Variants in RASSF3 observed in about 807,000 individuals in gnomAD.
RASSF3 encodes ras association domain-containing protein 3.
A neutral mutation model predicts 19.9 loss-of-function variants in RASSF3; 19 were observed. The ratio of observed to expected loss-of-function variants is 0.96; its 90% CI spans 0.67 to 1.40. The LOEUF (loss-of-function observed/expected upper bound fraction) is 1.40, where lower values mean the gene tolerates loss of function less well. Among genes scored for constraint, RASSF3 ranks in the 40% most tolerant of loss-of-function variants. The pLI, the probability that RASSF3 is intolerant of heterozygous loss-of-function variation, is 0.00. For missense variants in RASSF3, 306 were observed against 289.8 expected, an observed-to-expected ratio of 1.06 and a Z score of -0.41; for synonymous variants, 110 against 104.2, an observed-to-expected ratio of 1.06 and a Z score of -0.34.
intron 1 of RASSF3, among the ~76,000 whole-genome samples, chr12:64,618,160 A>G (rs949404814): frequency 3.9e-5 from 6 of 152,140 alleles, no homozygotes; most frequent in South Asian, 4.1e-4. Context: ...CTAAAATGCA[A>G]TTGTTATTCA....
chr12:64,522,780 G>A (rs1868505876), intron 1 of RASSF3, among the ~76,000 whole-genome samples: 1 of 152,166 alleles, frequency 6.6e-6, no homozygotes, highest in Admixed American at 6.5e-5. Context: ...TAAAGAGGCT[G>A]GGAGGACAGA....
At chr12:64,581,507 G>T (rs1484363136) in intron 2 of RASSF3, among the ~76,000 whole-genome samples, 3 of 152,118 alleles carry the variant, frequency 2.0e-5, no homozygotes, top group African/African-American at 7.2e-5. Flanking sequence ...CCAGGAGTTT[G>T]AGACCAGATT....
intron 1 of RASSF3, among the ~76,000 whole-genome samples, chr12:64,537,796 A>G (rs1565835084): frequency 6.6e-6 from 1 of 152,100 alleles, no homozygotes; most frequent in East Asian, 1.9e-4. Flanking sequence ...ACAAAATACC[A>G]CAGACTGAGT....
chr12:64,538,901 C>A (rs937993461), intron 1 of RASSF3, among the ~76,000 whole-genome samples: 4 of 151,882 alleles, frequency 2.6e-5, no homozygotes, highest in Non-Finnish European at 5.9e-5. Flanking sequence ...AAAAAATTAG[C>A]CAGGCCTGGT....
intron 2 of RASSF3, among the ~76,000 whole-genome samples, chr12:64,557,409 T>G (rs561452452): frequency 6.6e-6 from 1 of 152,230 alleles, no homozygotes; most frequent in South Asian, 2.1e-4. Flanking sequence ...TGCTGGTAAT[T>G]GACTAGAGTC....
At chr12:64,692,109 T>A (rs936445986) in intron 4 of RASSF3, among the ~76,000 whole-genome samples, 1 of 152,176 alleles carries the variant, frequency 6.6e-6, no homozygotes, top group Non-Finnish European at 1.5e-5. Context: ...TCATTTGCCA[T>A]GTTGTCTCCA....
At chr12:64,678,798 G>T (rs1299702321) in intron 1 of RASSF3, among the ~76,000 whole-genome samples, 1 of 152,066 alleles carries the variant, frequency 6.6e-6, no homozygotes, top group African/African-American at 2.4e-5. Context: ...GCACCAATAG[G>T]CACTCAATAA....
chr12:64,608,512 C>T (rs1269630388), upstream of RASSF3, among the ~76,000 whole-genome samples: 1 of 151,860 alleles, frequency 6.6e-6, no homozygotes, highest in Non-Finnish European at 1.5e-5. Context: ...GGGGTTTCAC[C>T]ACGTTGGCCA....
chr12:64,572,689 C>G (rs1465321221), intron 2 of RASSF3, among the ~76,000 whole-genome samples: 1 of 151,982 alleles, frequency 6.6e-6, no homozygotes, highest in Non-Finnish European at 1.5e-5. Context: ...AATGTACGAA[C>G]GAAGCTTGAA....
intron 2 of RASSF3, among the ~76,000 whole-genome samples, chr12:64,596,491 G>C (rs1870000996): frequency 6.6e-6 from 1 of 152,108 alleles, no homozygotes; most frequent in Non-Finnish European, 1.5e-5. Context: ...TCAAGGATTT[G>C]GAGTTAAATT....
chr12:64,638,496 C>T (rs1012670168), intron 1 of RASSF3, among the ~76,000 whole-genome samples: 5 of 150,378 alleles, frequency 3.3e-5, no homozygotes, highest in Non-Finnish European at 7.4e-5. Context: ...AGGAGAATGG[C>T]GTGAACCCAG....
chr12:64,570,248 A>C (rs1869497013), intron 2 of RASSF3, among the ~76,000 whole-genome samples: 1 of 152,190 alleles, frequency 6.6e-6, no homozygotes, highest in Admixed American at 6.5e-5. Flanking sequence ...TGACTGATTT[A>C]ATTAAAAAAT....
chr12:64,659,150 G>T (rs546310087), intron 1 of RASSF3, among the ~76,000 whole-genome samples: 2 of 152,136 alleles, frequency 1.3e-5, no homozygotes, highest in East Asian at 3.9e-4. Flanking sequence ...CACATTCCAT[G>T]GTCCTGCCTG....
chr12:64,538,421 G>C (rs11175434), intron 1 of RASSF3, among the ~76,000 whole-genome samples: 1 of 152,228 alleles, frequency 6.6e-6, no homozygotes, highest in East Asian at 1.9e-4. Flanking sequence ...TGTACGAGTG[G>C]TTAGGACTTC....
In RASSF3 at chr12:64,630,887, A is replaced by T. The variant is rs552770875; in HGVS notation, c.111+20144A>T. Among the ~76,000 whole-genome samples the T allele has an allele frequency of 3.9e-5, 6 of 152,306 alleles. No homozygotes were observed. The South Asian group carries it at 1.2e-3, about 32-fold the overall frequency. On this transcript the variant is annotated intron_variant, in intron 1 of 4. Transcript: ENST00000542104. Reference sequence around the variant, plus strand: ...AAAGATCAGGTTTAGGAGGGAAGACACATTCAGGCAATCAATATATGGCAT... The same window carrying T: ...AAAGATCAGGTTTAGGAGGGAAGACTCATTCAGGCAATCAATATATGGCAT...
At chr12:64,690,362 A>G (rs1868264372) in intron 3 of RASSF3, among the ~76,000 whole-genome samples, 1 of 151,624 alleles carries the variant, frequency 6.6e-6, no homozygotes, top group South Asian at 2.1e-4. Context: ...TTGTATTTTT[A>G]GTAGAGACAG....
At chr12:64,686,632 G>T (rs1873366679) in intron 2 of RASSF3, among the ~76,000 whole-genome samples, 1 of 150,466 alleles carries the variant, frequency 6.6e-6, no homozygotes, top group Non-Finnish European at 1.5e-5. Context: ...TTCAAGGCCA[G>T]CCTAGTCAAC....
At chr12:64,516,517 GC>G (rs1868368595) in intron 1 of RASSF3, among the ~76,000 whole-genome samples, 1 of 150,304 alleles carries the variant, frequency 6.7e-6, no homozygotes, top group African/African-American at 2.4e-5. Flanking sequence ...TACTTGGGAG[GC>G]TGAGGCAGGA....
At chr12:64,596,354 C>G (rs902585309) in intron 2 of RASSF3, among the ~76,000 whole-genome samples, 6 of 152,178 alleles carry the variant, frequency 3.9e-5, no homozygotes, top group Admixed American at 3.9e-4. Flanking sequence ...GAAAGCTCTC[C>G]CTTGGCTCCT....
Sources: allele counts gnomAD v4.1 joint callset (sites outside exome capture counted in the v4.1 genomes callset), GRCh38; gene constraint gnomAD v4.1.1; transcripts MANE v1.5; gene names NCBI Gene and HGNC (gene_info 2026-07-23, HGNC 2026-07-21).